The following NCOR2 variants were observed in gnomAD, a reference collection of about 807,000 sequenced individuals.
NCOR2 encodes the protein nuclear receptor corepressor 2, also known as CTG repeat protein 26.
In NCOR2, 81 loss-of-function variants were observed where a neutral mutation model predicts 262.9. The observed-to-expected ratio is 0.31, with a 90% CI of 0.26 to 0.37. The LOEUF is 0.37. Among genes scored for constraint, NCOR2 ranks in the 10% least tolerant of loss-of-function variants. The pLI, the probability that NCOR2 is intolerant of heterozygous loss-of-function variation, is 1.00. For missense variants in NCOR2, 3,385 were observed against 3,621.4 expected, an observed-to-expected ratio of 0.93 and a Z score of 1.68; for synonymous variants, 1,659 against 1,559.3, an observed-to-expected ratio of 1.06 and a Z score of -1.51.
intron 3 of NCOR2, among the ~76,000 whole-genome samples, chr12:124,479,439 G>A (rs1205915583): frequency 7.2e-6 from 1 of 137,968 alleles, no homozygotes; most frequent in Non-Finnish European, 1.6e-5. Context: ...ACAGGCACAT[G>A]TGTGCACACA....
At chr12:124,473,338 C>T (rs1384481377) in intron 3 of NCOR2, among the ~76,000 whole-genome samples, 3 of 152,172 alleles carry the variant, frequency 2.0e-5, no homozygotes. Context: ...TCTGTGTAGG[C>T]ACCATCTAAT....
intron 13 of NCOR2, among the ~76,000 whole-genome samples, chr12:124,410,727 C>G (rs1340016330): frequency 1.3e-5 from 2 of 152,220 alleles, no homozygotes; most frequent in African/African-American, 2.4e-5. Context: ...CTAGGGCAGG[C>G]AGCTAGCCCT....
intron 1 of NCOR2, among the ~76,000 whole-genome samples, chr12:124,558,213 A>G (rs551583667): frequency 3.3e-5 from 5 of 152,182 alleles, no homozygotes; most frequent in African/African-American, 1.2e-4. Context: ...ACGACTTCAG[A>G]GCATCCCCAG....
intron 11 of NCOR2, among the ~76,000 whole-genome samples, chr12:124,425,416 T>A (rs999113390): frequency 6.6e-6 from 1 of 152,136 alleles, no homozygotes; most frequent in Admixed American, 6.5e-5. Context: ...CTTATGAGAT[T>A]TTTTTTGTGA....
rs1555297222 is a variant in NCOR2 at position 124,325,378 on chromosome 12, C to CCA, written c.*23_*24insTG. On this transcript the variant is annotated 3_prime_UTR_variant, in exon 47 of 47. Coordinates refer to ENST00000405201, the Ensembl canonical transcript of NCOR2. ...TGTGGCTCGCTGGGACCTGACACCG[C>CCA]CCCCCCCCCCGCCCTGTTCTGAGTC... 24 of 232,302 alleles carry CCA rather than the reference C, an allele frequency of 1.0e-4. 1 individual carries two copies. The African/African-American group carries it at 1.4e-3, about 13-fold the overall frequency. 14.4% of individuals were successfully genotyped at this position (232,302 alleles called of 1,614,324 possible). A position where few individuals can be genotyped will look rare whatever the true frequency, so the allele number is the denominator to read the frequency against.
At chr12:124,491,857 C>T (rs1339770381) in intron 1 of NCOR2, among the ~76,000 whole-genome samples, 1 of 152,136 alleles carries the variant, frequency 6.6e-6, no homozygotes, top group Non-Finnish European at 1.5e-5. Flanking sequence ...GCTACTGTCA[C>T]GGAGAGAAGC....
chr12:124,400,637 G>A (rs759827085), exon 15 of NCOR2: 23 of 1,614,012 alleles, frequency 1.4e-5, no homozygotes, highest in Admixed American at 5.0e-5. Context: ...CCTCCTTCTC[G>A]TCGTTGTCCT....
intron 6 of NCOR2, among the ~76,000 whole-genome samples, chr12:124,455,534 G>A (rs1346308977): frequency 1.3e-5 from 2 of 152,212 alleles, no homozygotes; most frequent in East Asian, 1.9e-4. Flanking sequence ...CTGGGAGCCC[G>A]GGGCTTGTAG....
Position 124,481,172 on chromosome 12 carries a change from G to A in NCOR2, c.411+2424C>T, listed in dbSNP as rs2047455852. Among the ~76,000 whole-genome samples, 1 of 151,854 alleles carries A rather than the reference G, an allele frequency of 6.6e-6. No homozygotes were observed. Among genetic ancestry groups the A allele is most frequent in the Non-Finnish European group, 1.5e-5 (1 of 67,928 alleles). On this transcript the variant is annotated intron_variant, in intron 3 of 46. Transcript: ENST00000405201. The surrounding 1 kb of genome is among the most constrained non-coding windows in gnomAD (Gnocchi z 4.6). The stretch of plus-strand genomic sequence containing the variant: ...AAGAGAGGGAGGAAGAAGGAGGGAG[G>A]AAGGTGTAGAAGGAGAGAAGGAAGG...
chr12:124,526,265 G>A (rs2050462525), intron 1 of NCOR2, among the ~76,000 whole-genome samples: 1 of 152,170 alleles, frequency 6.6e-6, no homozygotes, highest in South Asian at 2.1e-4. Flanking sequence ...GGGGCAGGGA[G>A]AGCCCCAAAC....
rs2051621747 is a variant in NCOR2 at position 124,548,870 on chromosome 12, C to A, written c.-164-13259G>T. Among the ~76,000 whole-genome samples, 1 of 152,192 alleles carries A rather than the reference C, an allele frequency of 6.6e-6. No homozygotes were observed. The highest frequency in any genetic ancestry group is 1.5e-5 in the Non-Finnish European group (1 of 68,042). ...CTTAAATGTCACTCTCCTCTCCCCC[C>A]AGCACTGCAGGGCTCTGATCTGCTT... On this transcript the variant is annotated intron_variant, in intron 1 of 32. Coordinates refer to the NCOR2 transcript ENST00000458234. The surrounding 1 kb of genome is among the most constrained non-coding windows in gnomAD (Gnocchi z 5.1).
rs2048908149 is a variant in NCOR2, at chr12:124,503,808, A to C, written c.-117-8440T>G. ...GATGGATGCACACACTCATCACCAGATGGGTATCAACTTAGCTGCTTCATT... is the reference window on the plus strand; with the variant it reads ...GATGGATGCACACACTCATCACCAGCTGGGTATCAACTTAGCTGCTTCATT... On this transcript the variant is annotated intron_variant, in intron 1 of 46. Transcript: ENST00000404621. The surrounding 1 kb of genome is among the most constrained non-coding windows in gnomAD (Gnocchi z 4.3). Among the ~76,000 whole-genome samples, 1 of 152,144 alleles carries C rather than the reference A, an allele frequency of 6.6e-6. No homozygotes were observed. The highest frequency in any genetic ancestry group is 2.4e-5 in the African/African-American group (1 of 41,420).
chr12:124,406,388 A>G (rs1327491887), intron 13 of NCOR2, among the ~76,000 whole-genome samples: 1 of 152,056 alleles, frequency 6.6e-6, no homozygotes, highest in Non-Finnish European at 1.5e-5. Flanking sequence ...GGGACTCTGC[A>G]TTTCTAACCT....
At chr12:124,390,368 G>A (rs960590312) in intron 16 of NCOR2, among the ~76,000 whole-genome samples, 3 of 152,144 alleles carry the variant, frequency 2.0e-5, no homozygotes, top group Admixed American at 6.5e-5. Context: ...TGCACCAGCT[G>A]CTCCTGCTGC....
At chr12:124,417,310 A>ACGCAGAGCAGG (rs2042963103) in intron 13 of NCOR2, among the ~76,000 whole-genome samples, 1 of 152,068 alleles carries the variant, frequency 6.6e-6, no homozygotes, top group African/African-American at 2.4e-5. Flanking sequence ...CACTCACTCT[A>ACGCAGAGCAGG]CTGGACACTC....
At chr12:124,348,615 CCACATGAG>C (rs1345492333) in intron 28 of NCOR2, 1 of 450,990 alleles carries the variant, frequency 2.2e-6, no homozygotes, top group Non-Finnish European at 3.9e-6. Flanking sequence ...GTGCCTGTGA[CCACATGAG>C]CACGTGAGTC....
chr12:124,350,607 C>G, exon 28 of NCOR2: 1 of 1,613,918 alleles, frequency 6.2e-7, no homozygotes, highest in Non-Finnish European at 8.5e-7. Flanking sequence ...CAAGACGTGG[C>G]CCTTCTTGCC....
chr12:124,480,780 TG>T (rs1212251247), intron 3 of NCOR2, among the ~76,000 whole-genome samples: 1 of 136,284 alleles, frequency 7.3e-6, no homozygotes, highest in East Asian at 2.6e-4. Context: ...AAGGGCTGAC[TG>T]GGCTCACAGG....
At chr12:124,367,985 GC>G (rs1266737189) in intron 20 of NCOR2, among the ~76,000 whole-genome samples, 1 of 152,224 alleles carries the variant, frequency 6.6e-6, no homozygotes, top group Non-Finnish European at 1.5e-5. Context: ...CTTTCTGGCG[GC>G]CTGGGTGGGG....
Sources: allele counts gnomAD v4.1 joint callset (sites outside exome capture counted in the v4.1 genomes callset), GRCh38; gene constraint gnomAD v4.1.1; non-coding constraint Gnocchi (gnomAD v3.1); transcripts MANE v1.5; gene names NCBI Gene and HGNC (gene_info 2026-07-23, HGNC 2026-07-21).